Variants in INPP4A observed in about 807,000 individuals in gnomAD.
The protein encoded by INPP4A is inositol polyphosphate-4-phosphatase, type I, 107kD.
Under a neutral mutation model 119.8 loss-of-function variants are expected in INPP4A, and 33 were observed. The observed-to-expected ratio is 0.28, with a 90% confidence interval of 0.21 to 0.37. INPP4A has a LOEUF of 0.37. Ranked by LOEUF, INPP4A falls within the 10% of genes least tolerant of loss-of-function variation. INPP4A has a pLI of 1.00. For synonymous variants in INPP4A, 496 were observed against 500.7 expected, an observed-to-expected ratio of 0.99 and a Z score of 0.12; for missense variants, 956 against 1,289.9, an observed-to-expected ratio of 0.74 and a Z score of 3.97.
At chr2:98,571,733 G>T (rs1559100541) in intron 22 of INPP4A, among the ~76,000 whole-genome samples, 1 of 152,188 alleles carries the variant, frequency 6.6e-6, no homozygotes, top group Non-Finnish European at 1.5e-5. Context: ...AACTTTGTGT[G>T]GTTCCTCAGT....
intron 24 of INPP4A, among the ~76,000 whole-genome samples, chr2:98,577,363 T>C (rs1698605238): frequency 6.6e-6 from 1 of 152,216 alleles, no homozygotes; most frequent in Non-Finnish European, 1.5e-5. Flanking sequence ...AGCAGGACTT[T>C]CTGAGCAGGA....
At chr2:98,511,963 G>T (rs1203150442) in intron 1 of INPP4A, among the ~76,000 whole-genome samples, 2 of 152,216 alleles carry the variant, frequency 1.3e-5, no homozygotes, top group African/African-American at 4.8e-5. Context: ...TCCGGTTGGA[G>T]GAACTGGAGA....
At chr2:98,478,272 C>G (rs975924950) in intron 1 of INPP4A, among the ~76,000 whole-genome samples, 1 of 152,236 alleles carries the variant, frequency 6.6e-6, no homozygotes, top group Admixed American at 6.5e-5. Context: ...AGGCCCTGCT[C>G]TTGGTGGAGG....
chr2:98,546,647 A>C lies in INPP4A; in HGVS notation c.1116A>C (p.Ser372=). The C allele has an allele frequency of 6.2e-7, 1 of 1,613,984 alleles. No homozygotes were observed. Among genetic ancestry groups the C allele is most frequent in the East Asian group, 2.2e-5 (1 of 44,886 alleles). ...APAAHCQGFK[S]GGLRKKLHKF... is the part of the protein sequence containing the mutation. Reference sequence around the variant, plus strand: ...CAGCACACTGCCAAGGTTTTAAGTCAGGAGGTCTCCGCAAAAAGCTGCACA... The same window carrying C: ...CAGCACACTGCCAAGGTTTTAAGTCCGGAGGTCTCCGCAAAAAGCTGCACA... The change falls in exon 13 of 25, where the codon TCA becomes TCC. Residue 372 remains serine, a synonymous_variant. Transcript: ENST00000409851. This position sits in a 1 kb window ranked among gnomAD's most constrained non-coding sequence, Gnocchi z 4.2.
chr2:98,564,852 AT>A (rs3214545), intron 19 of INPP4A, 89 bp downstream of exon 19: 346,451 of 1,408,158 alleles, frequency 0.25, 43,505 homozygotes, highest in Middle Eastern at 0.31. Context: ...TATACCAGTA[AT>A]GCGTGCTTAT....
intron 1 of INPP4A, among the ~76,000 whole-genome samples, chr2:98,512,725 A>G (rs993874634): frequency 1.3e-5 from 2 of 152,190 alleles, no homozygotes; most frequent in Non-Finnish European, 2.9e-5. Context: ...TAGAATGACA[A>G]TTAAGTTTTC....
At chr2:98,587,419 G>T in intron 24 of INPP4A, 57 bp from the exon 25 acceptor site, 4 of 1,480,432 alleles carry the variant, frequency 2.7e-6, no homozygotes, top group South Asian at 1.4e-5. Context: ...CTTAGTTTAA[G>T]TCTTTTCTTT....
chr2:98,479,733 C>G (rs1678018848), intron 1 of INPP4A, among the ~76,000 whole-genome samples: 2 of 152,222 alleles, frequency 1.3e-5, no homozygotes, highest in South Asian at 4.1e-4. Context: ...AGGATAGCAA[C>G]AGATTTCTTC....
At chr2:98,494,162 C>T (rs962511087) in intron 1 of INPP4A, among the ~76,000 whole-genome samples, 2 of 152,122 alleles carry the variant, frequency 1.3e-5, no homozygotes, top group African/African-American at 4.8e-5. Flanking sequence ...GACTGGGTTC[C>T]CTTTCCCCTA....
chr2:98,539,616 G>T lies in INPP4A; in HGVS notation c.759G>T (p.Val253=). Residue 253 remains valine (V), a synonymous_variant, in exon 10 of 25, where the codon GTG becomes GTT. Transcript: ENST00000409851. ...LRILEQMAES[V]LSLHVPRQFV... is the part of the protein sequence containing the mutation. ...TCCTGGAGCAGATGGCAGAGAGCGTGCTCTCCCTGCACGTGCCCCGGCAGT... is the reference window on the plus strand; with the variant it reads ...TCCTGGAGCAGATGGCAGAGAGCGTTCTCTCCCTGCACGTGCCCCGGCAGT... The T allele has an allele frequency of 6.2e-7, 1 of 1,611,882 alleles. No homozygotes were observed. The highest frequency in any genetic ancestry group is 8.5e-7 in the Non-Finnish European group (1 of 1,178,956).
chr2:98,469,227 G>C (rs915434570), intron 1 of INPP4A, among the ~76,000 whole-genome samples: 1 of 152,168 alleles, frequency 6.6e-6, no homozygotes, highest in Non-Finnish European at 1.5e-5. Context: ...GGCTGGGCAC[G>C]GTGGCTCACG....
rs147089235 is a variant in INPP4A at position 98,547,332 on chromosome 2, G to C, written c.1163+638G>C. Among the ~76,000 whole-genome samples the C allele has an allele frequency of 1.0e-3, 157 of 152,312 alleles. 1 individual carries two copies. The highest frequency in any genetic ancestry group is 3.6e-3 in the African/African-American group (149 of 41,568). On this transcript the variant is annotated intron_variant, in intron 13 of 24. Transcript: ENST00000409851. Reference sequence around the variant, plus strand: ...GTTCCAGGAGCTCAGGGCCTTGCCTGGGAGTAGACAAGTCAGCAAGCACCA... The same window carrying C: ...GTTCCAGGAGCTCAGGGCCTTGCCTCGGAGTAGACAAGTCAGCAAGCACCA...
chr2:98,586,464 G>T (rs1699963968), intron 24 of INPP4A, among the ~76,000 whole-genome samples: 1 of 152,058 alleles, frequency 6.6e-6, no homozygotes, highest in Admixed American at 6.5e-5. Flanking sequence ...TTGATAACTA[G>T]TTGATTTCAC....
chr2:98,510,457 A>G (rs940652292), intron 1 of INPP4A, among the ~76,000 whole-genome samples: 2 of 152,236 alleles, frequency 1.3e-5, no homozygotes, highest in Admixed American at 1.3e-4. Context: ...CTATAACAAA[A>G]TAACTGAGAC....
chr2:98,517,610 ACTT>A (rs921273890), intron 1 of INPP4A, among the ~76,000 whole-genome samples: 61 of 152,220 alleles, frequency 4.0e-4, no homozygotes, highest in African/African-American at 1.4e-3. Context: ...GGGTTGAAGA[ACTT>A]CTCCTGTGTC....
chr2:98,587,605 G>C lies in INPP4A; in HGVS notation c.2916G>C (p.Thr972=). The C allele has an allele frequency of 6.3e-7, 1 of 1,599,112 alleles. No individual in the cohort carries two copies. Among genetic ancestry groups the C allele is most frequent in the Non-Finnish European group, 8.5e-7 (1 of 1,175,522 alleles). Residue 972 remains threonine, a synonymous_variant, in exon 25 of 25, where the codon ACG becomes ACC. Coordinates refer to ENST00000409851, the MANE Select transcript of INPP4A (RefSeq NM_001134225.2). ...AAGGGACTTACGGAAAAGTTGAAAC[G>C]TGAACACACGGTTTCCTCTAATTAG... The part of the protein sequence containing the change: ...PPEGTYGKVE[T]
chr2:98,518,872 G>A (rs1296638871), intron 1 of INPP4A, 92 bp from the exon 2 acceptor site: 1 of 152,222 alleles, frequency 6.6e-6, no homozygotes, highest in African/African-American at 2.4e-5. Flanking sequence ...CAAACATGGA[G>A]TAGCTCTTGG....
At chr2:98,483,494 T>TC (rs895705378) in intron 1 of INPP4A, among the ~76,000 whole-genome samples, 15 of 152,038 alleles carry the variant, frequency 9.9e-5, no homozygotes, top group African/African-American at 2.7e-4. Flanking sequence ...TGGATCATGT[T>TC]CCCCCCCGGT....
chr2:98,458,788 A>AG (rs898757731), intron 1 of INPP4A, among the ~76,000 whole-genome samples: 27 of 152,148 alleles, frequency 1.8e-4, no homozygotes, highest in African/African-American at 6.5e-4. Context: ...AGGCATGGCC[A>AG]GGGGGGATGT....
Sources: allele counts gnomAD v4.1 joint callset (sites outside exome capture counted in the v4.1 genomes callset), GRCh38; gene constraint gnomAD v4.1.1; non-coding constraint Gnocchi (gnomAD v3.1); transcripts MANE v1.5; gene names NCBI Gene and HGNC (gene_info 2026-07-23, HGNC 2026-07-21).